AGPS: variants seen among roughly 807,000 people sequenced by gnomAD.
AGPS encodes the protein alkylglycerone phosphate synthase.
A neutral mutation model predicts 90.7 loss-of-function variants in AGPS; 26 were observed. The observed-to-expected ratio is 0.29, with a 90% confidence interval of 0.21 to 0.40. AGPS has a LOEUF of 0.40. AGPS is among the 10% of genes least tolerant of loss of function. The pLI, the probability that AGPS is intolerant of heterozygous loss-of-function variation, is 1.00. For synonymous variants in AGPS, 294 were observed against 285.3 expected, an observed-to-expected ratio of 1.03 and a Z score of -0.31; for missense variants, 540 against 816.1, an observed-to-expected ratio of 0.66 and a Z score of 4.12.
intron 17 of AGPS, among the ~76,000 whole-genome samples, chr2:177,518,147 C>G (rs1689074426): frequency 1.3e-5 from 2 of 152,068 alleles, no homozygotes; most frequent in South Asian, 4.1e-4. Flanking sequence ...AAAAAAATAT[C>G]TTATGGCTGG....
rs144202237 is a variant in AGPS at position 177,458,527 on chromosome 2, A to G, written c.871-3366A>G. ...GGGTGCAAAAATCACAAGCATTCCT[A>G]TACACCAATAACAGAGAGCCAAATC... On this transcript the variant is annotated intron_variant, in intron 8 of 19. Coordinates refer to ENST00000264167, the MANE Select transcript of AGPS (RefSeq NM_003659.4). Among the ~76,000 whole-genome samples the G allele has an allele frequency of 4.3e-3, 650 of 152,266 alleles. 8 individuals carry two copies. The highest frequency in any genetic ancestry group is 0.015 in the African/African-American group (623 of 41,548).
At chr2:177,534,705 A>G (rs887650961) in intron 19 of AGPS, among the ~76,000 whole-genome samples, 12 of 151,546 alleles carry the variant, frequency 7.9e-5, no homozygotes, top group Admixed American at 2.6e-4. Flanking sequence ...CTTCCGCCCA[A>G]TCTCCTGAGT....
chr2:177,474,196 T>A (rs1392866844), intron 10 of AGPS, among the ~76,000 whole-genome samples: 1 of 152,194 alleles, frequency 6.6e-6, no homozygotes, highest in African/African-American at 2.4e-5. Flanking sequence ...AAAATTTGCC[T>A]CCTATCCCTG....
Position 177,392,784 on chromosome 2 carries a change from G to A in AGPS, c.-6G>A, listed in dbSNP as rs1326907287. ...CGGTTCCGGGCGGCAGCACAAGGCG[G>A]TAGCCATGGCGGAGGCGGCGGCTGC... On this transcript the variant is annotated 5_prime_UTR_variant, in exon 1 of 20. Transcript: ENST00000264167. 1 of 1,485,766 alleles carries A rather than the reference G, an allele frequency of 6.7e-7. No homozygotes were observed. Among genetic ancestry groups the A allele is most frequent in the South Asian group, 1.4e-5 (1 of 72,394 alleles). 92.0% of individuals were successfully genotyped at this position (1,485,766 alleles called of 1,614,324 possible).
rs576251354 is a variant in AGPS at position 177,498,435 on chromosome 2, A to G, written c.1362+670A>G. ...GATGTCCTTTGTCATAAATGTTGTA[A>G]GTAATTTTTTTTCCCAGTCAGGCAT... On this transcript the variant is annotated intron_variant, in intron 13 of 19. Transcript: ENST00000264167. Among the ~76,000 whole-genome samples, 3 of 151,162 alleles carry G rather than the reference A, an allele frequency of 2.0e-5. No homozygotes were observed. The East Asian group carries it at 5.8e-4, about 29-fold the overall frequency.
chr2:177,484,614 GGGATTACAGTCGT>G (rs1323966749), intron 11 of AGPS, among the ~76,000 whole-genome samples: 1 of 151,916 alleles, frequency 6.6e-6, no homozygotes, highest in Non-Finnish European at 1.5e-5. Flanking sequence ...CCAAATTGCT[GGGATTACAGTCGT>G]GAGCCACCAT....
At chr2:177,455,029 T>G (rs1196434166) in intron 8 of AGPS, among the ~76,000 whole-genome samples, 1 of 151,860 alleles carries the variant, frequency 6.6e-6, no homozygotes, top group East Asian at 1.9e-4. Context: ...CTGTTGTTAG[T>G]ATTAGTGTAT....
intron 14 of AGPS, among the ~76,000 whole-genome samples, chr2:177,504,174 T>C (rs1299089660): frequency 1.3e-5 from 2 of 152,200 alleles, no homozygotes; most frequent in African/African-American, 4.8e-5. Context: ...GAACTGTTTC[T>C]GTTTCCTAGA....
At chr2:177,436,211 G>T (rs908789985) in intron 3 of AGPS, among the ~76,000 whole-genome samples, 1 of 137,942 alleles carries the variant, frequency 7.2e-6, no homozygotes, top group African/African-American at 2.7e-5. Flanking sequence ...GAGTGCCGTG[G>T]TACAATCTCG....
intron 16 of AGPS, 84 bp downstream of exon 16, chr2:177,508,115 A>G (rs1378537398): frequency 9.5e-7 from 1 of 1,049,288 alleles, no homozygotes; most frequent in Non-Finnish European, 1.5e-6. Context: ...GTGAATATGT[A>G]AGTTTAAAAC....
At chr2:177,432,456 T>C (rs942879333) in intron 2 of AGPS, among the ~76,000 whole-genome samples, 2 of 152,240 alleles carry the variant, frequency 1.3e-5, no homozygotes, top group African/African-American at 4.8e-5. Context: ...TCTCACAAAT[T>C]AAATGTTGCT....
chr2:177,481,936 C>T (rs1574404136), intron 10 of AGPS, 123 bp from the exon 11 acceptor site: 1 of 665,672 alleles, frequency 1.5e-6, no homozygotes, highest in Non-Finnish European at 2.1e-6. Flanking sequence ...GCCATTATTC[C>T]CCAGGTAGAC....
At chr2:177,521,120 G>A in intron 17 of AGPS, 149 bp from the exon 18 acceptor site, 1 of 741,430 alleles carries the variant, frequency 1.3e-6, no homozygotes, top group East Asian at 2.7e-5. Flanking sequence ...GCAAGCCAAT[G>A]TGTATTCCTT....
At chr2:177,505,635 ACTTT>A (rs1301341221) in intron 15 of AGPS, 60 bp downstream of exon 15, 8 of 1,452,788 alleles carry the variant, frequency 5.5e-6, no homozygotes, top group Non-Finnish European at 7.7e-6. Flanking sequence ...ACTTTTTCTT[ACTTT>A]AAGTGAATGC....
chr2:177,443,990 G>C (rs528288169), intron 7 of AGPS, among the ~76,000 whole-genome samples: 9 of 151,692 alleles, frequency 5.9e-5, no homozygotes, highest in African/African-American at 2.2e-4. Flanking sequence ...GGGCCAGTCT[G>C]TTGGGGGAGA....
chr2:177,500,196 T>C (rs1688519306), intron 14 of AGPS, among the ~76,000 whole-genome samples: 1 of 152,004 alleles, frequency 6.6e-6, no homozygotes, highest in Non-Finnish European at 1.5e-5. Context: ...TGTCACTTAC[T>C]GTTTTGTGCT....
intron 8 of AGPS, among the ~76,000 whole-genome samples, chr2:177,456,450 T>C (rs150641710): frequency 1.3e-5 from 2 of 152,320 alleles, no homozygotes; most frequent in East Asian, 3.9e-4. Context: ...ACCCAGGGAT[T>C]TTTGTTTGTT....
intron 3 of AGPS, among the ~76,000 whole-genome samples, chr2:177,435,770 C>G (rs935495627): frequency 6.6e-6 from 1 of 152,046 alleles, no homozygotes; most frequent in African/African-American, 2.4e-5. Context: ...TCCCTCAATC[C>G]CCCGTAGCAG....
At chr2:177,469,810 AT>A (rs904224730) in intron 10 of AGPS, among the ~76,000 whole-genome samples, 11 of 151,580 alleles carry the variant, frequency 7.3e-5, no homozygotes, top group South Asian at 2.1e-4. Context: ...AATATAAATA[AT>A]TTTTTTTTCA....
Sources: gnomAD v4.1 joint callset for allele counts (sites outside exome capture counted in the v4.1 genomes callset) on GRCh38, gnomAD v4.1.1 for gene constraint, MANE v1.5 for transcripts, NCBI Gene and HGNC (gene_info 2026-07-23, HGNC 2026-07-21) for gene names.